SH3KBP1: variants seen among roughly 807,000 people sequenced by gnomAD.
The protein encoded by SH3KBP1 is SH3 domain containing kinase binding protein 1, also known as SH3 domain-containing kinase-binding protein 1.
SH3KBP1 carries 8 observed loss-of-function variants against 50.1 expected under a neutral mutation model. The ratio of observed to expected loss-of-function variants is 0.16; its 90% CI spans 0.09 to 0.29. SH3KBP1 has a LOEUF of 0.29. SH3KBP1 is among the 10% of genes least tolerant of loss of function. SH3KBP1 has a pLI of 1.00. For synonymous variants in SH3KBP1, 227 were observed against 218.6 expected, an observed-to-expected ratio of 1.04 and a Z score of -0.34; for missense variants, 377 against 535.2, an observed-to-expected ratio of 0.70 and a Z score of 2.92.
chrX:19,769,966 C>T (rs1465575494), intron 2 of SH3KBP1, among the ~76,000 whole-genome samples: 2 of 111,704 alleles, frequency 1.8e-5, no homozygotes, highest in East Asian at 5.6e-4. Context: ...CAAGGGTTCT[C>T]ACTCTCGGAT....
chrX:19,683,458 C>T (rs980576793), intron 6 of SH3KBP1: 40 of 334,197 alleles, frequency 1.2e-4, no homozygotes, highest in African/African-American at 9.1e-4. Flanking sequence ...GAGAAATGTA[C>T]AAGGAGCGGA....
chrX:19,863,160 T>G lies in SH3KBP1; in HGVS notation c.4+24147A>C, dbSNP rs137960152. Among the ~76,000 whole-genome samples the G allele has an allele frequency of 2.4e-3, 273 of 112,082 alleles. 2 individuals carry two copies. Among genetic ancestry groups the G allele is most frequent in the African/African-American group, 8.4e-3 (258 of 30,881 alleles). On this transcript the variant is annotated intron_variant, in intron 1 of 17. Coordinates refer to ENST00000397821, the MANE Select transcript of SH3KBP1 (RefSeq NM_031892.3). Reference sequence around the variant, plus strand: ...CCCAAAAGGGGCCCGGCCAGAGGGCTCAAGCTTTGCTGAGCTTACAAAACA... The same window carrying G: ...CCCAAAAGGGGCCCGGCCAGAGGGCGCAAGCTTTGCTGAGCTTACAAAACA...
At chrX:19,555,558 T>C (rs901137136) in intron 13 of SH3KBP1, among the ~76,000 whole-genome samples, 1 of 112,299 alleles carries the variant, frequency 8.9e-6, no homozygotes, top group Non-Finnish European at 1.9e-5. Flanking sequence ...TTATAGCATG[T>C]TGCTGTGCAC....
intron 3 of SH3KBP1, chrX:19,740,637 T>C (rs913707072): frequency 6.3e-6 from 1 of 158,610 alleles, no homozygotes; most frequent in Non-Finnish European, 1.4e-5. Context: ...ATTTCTCCAA[T>C]AGAAAATTTG....
intron 7 of SH3KBP1, among the ~76,000 whole-genome samples, chrX:19,634,095 T>TGTGTGA (rs1216845746): frequency 1.4e-4 from 8 of 56,118 alleles, no homozygotes; most frequent in Admixed American, 2.1e-4. Context: ...TGTGTGTGTG[T>TGTGTGA]GACAGAGGGA....
intron 2 of SH3KBP1, among the ~76,000 whole-genome samples, chrX:19,767,932 T>C (rs2065672433): frequency 1.8e-5 from 2 of 110,437 alleles, no homozygotes; most frequent in African/African-American, 6.6e-5. Flanking sequence ...GGTGGTTCTG[T>C]TGACTTGGAA....
intron 6 of SH3KBP1, among the ~76,000 whole-genome samples, chrX:19,655,984 C>A (rs1012770051): frequency 2.7e-5 from 3 of 111,531 alleles, no homozygotes; most frequent in African/African-American, 9.8e-5. Context: ...GCATTAAATT[C>A]TAAAGGATGG....
At chrX:19,677,099 C>T (rs1226178318) in intron 6 of SH3KBP1, among the ~76,000 whole-genome samples, 1 of 111,717 alleles carries the variant, frequency 9.0e-6, no homozygotes, top group Non-Finnish European at 1.9e-5. Flanking sequence ...ACTGGTAGTG[C>T]CTAAAGAGCT....
chrX:19,735,104 A>C (rs1201448304), intron 3 of SH3KBP1, among the ~76,000 whole-genome samples: 1 of 112,212 alleles, frequency 8.9e-6, no homozygotes, highest in East Asian at 2.8e-4. Flanking sequence ...TGAGTTGTTC[A>C]TACTATTCCC....
intron 7 of SH3KBP1, among the ~76,000 whole-genome samples, chrX:19,639,508 A>G (rs1400936913): frequency 9.0e-6 from 1 of 111,031 alleles, no homozygotes. Flanking sequence ...AGGAAAACAC[A>G]AAGGGAGTTA....
At position 19,534,825 on chromosome X, in the gene SH3KBP1, G is replaced by A. The variant is rs2064668315; in HGVS notation, c.*1592C>T. Reference sequence around the variant, plus strand: ...TCAAGTAGCAAGGATGAGCACATAGGTTAAGAGGAAGGCAGGGGGAGGAAG... The same window carrying A: ...TCAAGTAGCAAGGATGAGCACATAGATTAAGAGGAAGGCAGGGGGAGGAAG... On this transcript the variant is annotated 3_prime_UTR_variant, in exon 18 of 18. Coordinates refer to ENST00000397821, the MANE Select transcript of SH3KBP1 (RefSeq NM_031892.3). The A allele has an allele frequency of 3.4e-6, 1 of 295,878 alleles. No homozygotes were observed. The highest frequency in any genetic ancestry group is 2.7e-5 in the African/African-American group (1 of 36,419). The allele number at this position is 295,878 out of a possible 1,213,427, so 24.4% of individuals were successfully genotyped here. A position where few individuals can be genotyped will look rare whatever the true frequency, so the allele number is the denominator to read the frequency against.
rs200596121 is a variant in SH3KBP1, at chrX:19,541,997, G to A, written c.1820C>T (p.Ala607Val). The change falls in exon 16 of 18, where the codon GCG becomes GTG. Residue 607 changes from alanine to valine, a missense_variant. By Grantham distance (64) the Ala-to-Val change is moderately conservative. Around this residue, in one of 3 missense-constraint regions of SH3KBP1, gnomAD observed 110 missense variants for 124.1 expected, o/e 0.89. Transcript: ENST00000397821. ...CTGTGTCCTTAGCTCCTCCACGGCCGCCTGGCTGCTGGCCGCAGGCTCCAT... is the reference window on the plus strand; with the variant it reads ...CTGTGTCCTTAGCTCCTCCACGGCCACCTGGCTGCTGGCCGCAGGCTCCAT... Reference protein sequence around the residue: ...PKMEPAASSQAAVEELRTQVR... With the variant: ...PKMEPAASSQVAVEELRTQVR... 125 of 1,210,046 alleles carry A rather than the reference G, an allele frequency of 1.0e-4. No individual in the cohort carries two copies. The highest frequency in any genetic ancestry group is 2.3e-4 in the Middle Eastern group (1 of 4,375).
chrX:19,805,375 GGAGCTAAT>G (rs1237683202), intron 2 of SH3KBP1, among the ~76,000 whole-genome samples: 1 of 110,645 alleles, frequency 9.0e-6, no homozygotes, highest in Non-Finnish European at 1.9e-5. Context: ...AATAATTTGT[GGAGCTAAT>G]GAGAACTACT....
Position 19,842,948 on chromosome X carries a change from AG to A in SH3KBP1, c.5-6667del, listed in dbSNP as rs2147457418. 2.7e-5 allele frequency among the ~76,000 whole-genome samples: 3 copies of A among 109,665 alleles called. No individual in the cohort carries two copies. In the South Asian group the frequency reaches 1.2e-3, roughly 43 times the overall value. On this transcript the variant is annotated intron_variant, in intron 1 of 17. Transcript: ENST00000397821. ...TAAATCCTTTTTGCTACCTTAGTTAAGGAAGAGTTGGTTTCTTTTACTTAAA... is the reference window on the plus strand; with the variant it reads ...TAAATCCTTTTTGCTACCTTAGTTAAGAAGAGTTGGTTTCTTTTACTTAAA...
chrX:19,537,489 C>T (rs756514027), intron 17 of SH3KBP1, among the ~76,000 whole-genome samples: 1 of 108,847 alleles, frequency 9.2e-6, no homozygotes, highest in Non-Finnish European at 1.9e-5. Context: ...AAGATAAATT[C>T]CAAATGAGAA....
At chrX:19,676,910 G>T (rs966564321) in intron 6 of SH3KBP1, among the ~76,000 whole-genome samples, 5 of 112,391 alleles carry the variant, frequency 4.4e-5, no homozygotes, top group Non-Finnish European at 9.4e-5. Context: ...ATTCAAGAGA[G>T]AGATGTCAGA....
intron 6 of SH3KBP1, among the ~76,000 whole-genome samples, chrX:19,679,630 C>A (rs1012698629): frequency 1.7e-4 from 19 of 111,285 alleles, no homozygotes; most frequent in African/African-American, 5.9e-4. Flanking sequence ...CCCCTTTAAC[C>A]TTTTATCAAG....
chrX:19,840,351 AT>A (rs2068187206), intron 1 of SH3KBP1, among the ~76,000 whole-genome samples: 1 of 112,907 alleles, frequency 8.9e-6, no homozygotes, highest in Non-Finnish European at 1.9e-5. Context: ...TTAGAAAAAA[AT>A]AATGTGAAAT....
intron 1 of SH3KBP1, among the ~76,000 whole-genome samples, chrX:19,848,338 C>A (rs1454880047): frequency 8.9e-6 from 1 of 111,866 alleles, no homozygotes; most frequent in African/African-American, 3.3e-5. Context: ...AAGAGGCTCC[C>A]ACTGGCCACA....
Sources: allele counts gnomAD v4.1 joint callset (sites outside exome capture counted in the v4.1 genomes callset), GRCh38; gene constraint gnomAD v4.1.1; regional missense constraint gnomAD v4.1.1; transcripts MANE v1.5; gene names NCBI Gene and HGNC (gene_info 2026-07-23, HGNC 2026-07-21).